Variants in CDH13 observed in about 807,000 individuals in gnomAD.
CDH13 encodes the protein cadherin 13, also known as cadherin-13.
A neutral mutation model predicts 63.8 loss-of-function variants in CDH13; 24 were observed. That is an observed-to-expected ratio of 0.38 (90% confidence interval 0.27 to 0.53). The LOEUF (loss-of-function observed/expected upper bound fraction) is 0.53, where lower values mean the gene tolerates loss of function less well. CDH13 is among the 20% of genes least tolerant of loss of function. CDH13 has a pLI of 0.85. For synonymous variants in CDH13, 503 were observed against 355.3 expected (o/e 1.42, Z -4.67); for missense variants, 1,049 against 903.1 (o/e 1.16, Z -2.07).
chr16:83,570,726 A>G (rs1023408418), intron 7 of CDH13, among the ~76,000 whole-genome samples: 2 of 144,860 alleles, frequency 1.4e-5, no homozygotes, highest in African/African-American at 2.5e-5. Flanking sequence ...ATAAATTATT[A>G]TATATTTTCT....
At position 83,705,883 on chromosome 16, in the gene CDH13, A is replaced by G. The variant is rs115885353; in HGVS notation, c.1538+27422A>G. Among the ~76,000 whole-genome samples the G allele has an allele frequency of 6.3e-3, 963 of 152,314 alleles. 13 individuals carry two copies. Among genetic ancestry groups the G allele is most frequent in the African/African-American group, 0.022 (914 of 41,574 alleles). On this transcript the variant is annotated intron_variant, in intron 10 of 13. Transcript: ENST00000567109. ...CTCCCATCCTAACTTAAATTTTATA[A>G]AACAAAGGATTTGTTTAGGTGGGAG...
chr16:83,245,286 A>C (rs2151818949), intron 5 of CDH13, among the ~76,000 whole-genome samples: 1 of 152,348 alleles, frequency 6.6e-6, no homozygotes, highest in East Asian at 1.9e-4. Context: ...AACCACAAGA[A>C]GTTCTCGTGG....
At chr16:82,803,306 T>C (rs955347762) in intron 1 of CDH13, among the ~76,000 whole-genome samples, 1 of 152,204 alleles carries the variant, frequency 6.6e-6, no homozygotes, top group Non-Finnish European at 1.5e-5. Flanking sequence ...GGGGCAATTA[T>C]ATATTTTTGG....
At chr16:83,305,252 C>G (rs879658720) in intron 5 of CDH13, among the ~76,000 whole-genome samples, 8 of 152,148 alleles carry the variant, frequency 5.3e-5, no homozygotes, top group South Asian at 2.1e-4. Flanking sequence ...GATGACTTCA[C>G]TTTACTTAAG....
chr16:82,769,255 C>A (rs571596437), intron 1 of CDH13, among the ~76,000 whole-genome samples: 3 of 152,100 alleles, frequency 2.0e-5, no homozygotes, highest in Admixed American at 1.3e-4. Flanking sequence ...ACAAATAAAT[C>A]ATCAAAGTTG....
At chr16:83,649,144 G>T (rs371803447) in intron 8 of CDH13, among the ~76,000 whole-genome samples, 36 of 152,364 alleles carry the variant, frequency 2.4e-4, no homozygotes, top group African/African-American at 8.2e-4. Flanking sequence ...GTGTGGCAGT[G>T]AGGTTAAAGT....
chr16:82,912,867 C>T (rs367757552), intron 2 of CDH13, among the ~76,000 whole-genome samples: 3 of 151,560 alleles, frequency 2.0e-5, no homozygotes, highest in Non-Finnish European at 2.9e-5. Flanking sequence ...GGCGTGAACC[C>T]GGGAGGCGGA....
At chr16:83,238,742 T>C (rs1326966730) in intron 5 of CDH13, among the ~76,000 whole-genome samples, 1 of 9,962 alleles carries the variant, frequency 1.0e-4, no homozygotes, top group African/African-American at 1.7e-4. Flanking sequence ...ATGTGTTTTT[T>C]TGTTTGTTTG....
chr16:83,193,593 C>G (rs2038790513), intron 4 of CDH13, among the ~76,000 whole-genome samples: 1 of 152,206 alleles, frequency 6.6e-6, no homozygotes, highest in African/African-American at 2.4e-5. Flanking sequence ...ATCTCTGAAT[C>G]CCATTCATTT....
At chr16:82,877,997 T>C (rs1259717785) in intron 2 of CDH13, among the ~76,000 whole-genome samples, 1 of 151,770 alleles carries the variant, frequency 6.6e-6, no homozygotes, top group Non-Finnish European at 1.5e-5. Flanking sequence ...TGTATATATA[T>C]TCTCATTCTG....
At chr16:83,244,753 C>T (rs554113463) in intron 5 of CDH13, among the ~76,000 whole-genome samples, 14 of 152,240 alleles carry the variant, frequency 9.2e-5, no homozygotes, top group East Asian at 3.9e-4. Flanking sequence ...AGCTTTCAAG[C>T]GGAGTCACAC....
chr16:82,743,161 C>A (rs533901786), intron 1 of CDH13, among the ~76,000 whole-genome samples: 1 of 152,060 alleles, frequency 6.6e-6, no homozygotes, highest in African/African-American at 2.4e-5. Flanking sequence ...ATACTTTTGT[C>A]TTTATCTTCT....
chr16:82,860,717 T>C (rs749892041), intron 2 of CDH13, among the ~76,000 whole-genome samples: 11 of 151,834 alleles, frequency 7.2e-5, no homozygotes, highest in Non-Finnish European at 5.9e-5. Flanking sequence ...ATATTATGAG[T>C]ATAGAGCCTG....
intron 5 of CDH13, among the ~76,000 whole-genome samples, chr16:83,274,173 G>T (rs12102767): frequency 0.21 from 32,112 of 152,118 alleles, 3,513 homozygotes; most frequent in Admixed American, 0.24. Context: ...TCTCAACCCT[G>T]CTTAAAAGCC....
At chr16:83,128,134 A>C (rs1313014656) in intron 4 of CDH13, among the ~76,000 whole-genome samples, 3 of 152,236 alleles carry the variant, frequency 2.0e-5, no homozygotes, top group Admixed American at 6.5e-5. Context: ...CAGCAGAGAC[A>C]CTTAAAATGC....
intron 13 of CDH13, among the ~76,000 whole-genome samples, chr16:83,788,708 C>A (rs1412647440): frequency 6.6e-6 from 1 of 152,182 alleles, no homozygotes; most frequent in Non-Finnish European, 1.5e-5. Context: ...AAGACAGGCA[C>A]AGGTACACTA....
At chr16:82,683,004 C>G (rs1295132101) in intron 1 of CDH13, among the ~76,000 whole-genome samples, 1 of 152,190 alleles carries the variant, frequency 6.6e-6, no homozygotes, top group Admixed American at 6.5e-5. Flanking sequence ...GGTTCAAGTT[C>G]CAGCCCCCAC....
At chr16:83,479,623 C>G (rs76967062) in intron 6 of CDH13, among the ~76,000 whole-genome samples, 3,918 of 151,224 alleles carry the variant, frequency 0.026, 179 homozygotes, top group African/African-American at 0.089. Flanking sequence ...CACCACTGCA[C>G]TCCAGCCTGG....
chr16:82,715,341 C>A, intron 1 of CDH13, among the ~76,000 whole-genome samples: 1 of 151,256 alleles, frequency 6.6e-6, no homozygotes, highest in East Asian at 1.9e-4. Context: ...GTGCTTATAG[C>A]CAAGTCAGGG....
Sources: gnomAD v4.1 joint callset for allele counts (sites outside exome capture counted in the v4.1 genomes callset) on GRCh38, gnomAD v4.1.1 for gene constraint, MANE v1.5 for transcripts, NCBI Gene and HGNC (gene_info 2026-07-23, HGNC 2026-07-21) for gene names.